SLC2A8: variants seen among roughly 807,000 people sequenced by gnomAD.
SLC2A8 encodes the protein solute carrier family 2 member 8, also known as solute carrier family 2, facilitated glucose transporter member 8.
Under a neutral mutation model 49.2 loss-of-function variants are expected in SLC2A8, and 53 were observed. The observed-to-expected ratio is 1.08, with a 90% CI of 0.86 to 1.35. The LOEUF (loss-of-function observed/expected upper bound fraction) is 1.35. Among genes scored for constraint, SLC2A8 ranks in the 40% most tolerant of loss-of-function variants. SLC2A8 has a pLI of 0.00. For synonymous variants in SLC2A8, 299 were observed against 297.0 expected (o/e 1.01, Z -0.07); for missense variants, 688 against 671.7 (o/e 1.02, Z -0.27).
At chr9:127,400,260 C>A (rs186040884) in intron 4 of SLC2A8, among the ~76,000 whole-genome samples, 1 of 150,794 alleles carries the variant, frequency 6.6e-6, no homozygotes, top group Non-Finnish European at 1.5e-5. Context: ...TGGGTTCAAG[C>A]GATTCTCCTG....
At chr9:127,400,835 C>T (rs1833258365) in intron 4 of SLC2A8, among the ~76,000 whole-genome samples, 1 of 152,204 alleles carries the variant, frequency 6.6e-6, no homozygotes, top group Non-Finnish European at 1.5e-5. Flanking sequence ...TGGCTCACAC[C>T]TGTAATCCCA....
At chr9:127,403,321 T>G (rs1156384941) in intron 5 of SLC2A8, 3 of 350,928 alleles carry the variant, frequency 8.5e-6, no homozygotes, top group South Asian at 3.5e-5. Context: ...GTCAGGGCTG[T>G]AGGAGGTGCT....
At position 127,407,595 on chromosome 9, in the gene SLC2A8, A is replaced by G. The variant is rs6635; in HGVS notation, c.*346A>G. The G allele has an allele frequency of 0.34, 134,679 of 397,976 alleles. 24,240 individuals carry two copies. The highest frequency in any genetic ancestry group is 0.48 in the Middle Eastern group (1,327 of 2,760). 24.7% of individuals were successfully genotyped at this position (397,976 alleles called of 1,614,324 possible). ...TTTGGAGGTTGGGTGCTGGGCATTCAGTCGCTCCTCTCACGCGGCTGCCTT... is the reference window on the plus strand; with the variant it reads ...TTTGGAGGTTGGGTGCTGGGCATTCGGTCGCTCCTCTCACGCGGCTGCCTT... On this transcript the variant is annotated 3_prime_UTR_variant, in exon 10 of 10. Coordinates refer to ENST00000373371, the MANE Select transcript of SLC2A8 (RefSeq NM_014580.5).
chr9:127,401,477 C>G (rs1833288559), intron 4 of SLC2A8, among the ~76,000 whole-genome samples: 1 of 152,228 alleles, frequency 6.6e-6, no homozygotes. Flanking sequence ...CTAACAAATT[C>G]AGAATCCTGC....
rs1564220109 is a variant in SLC2A8, at chr9:127,405,455, C to T, written c.1186C>T (p.Leu396Phe). The T allele has an allele frequency of 1.5e-5, 24 of 1,612,902 alleles. No individual in the cohort carries two copies. Among genetic ancestry groups the T allele is most frequent in the Non-Finnish European group, 1.9e-5 (23 of 1,180,012 alleles). The change falls in exon 9 of 10, where the codon CTC becomes TTC. Residue 396 changes from leucine (L) to phenylalanine (F), a missense_variant. Coordinates refer to ENST00000373371, the MANE Select transcript of SLC2A8 (RefSeq NM_014580.5). ...AVGWGPIPWL[L>F]MSEIFPLHVK... ...GGGCTGGGGGCCCATCCCCTGGCTCCTCATGTCAGAGATCTTCCCTCTGCA... is the reference window on the plus strand; with the variant it reads ...GGGCTGGGGGCCCATCCCCTGGCTCTTCATGTCAGAGATCTTCCCTCTGCA...
Position 127,407,233 on chromosome 9 carries a change from A to G in SLC2A8, c.1418A>G (p.His473Arg). The change falls in exon 10 of 10, where the codon CAT becomes CGT. Residue 473 changes from histidine (H) to arginine (R), a missense_variant. His to Arg is a conservative substitution (Grantham distance 29). Coordinates refer to ENST00000373371, the MANE Select transcript of SLC2A8 (RefSeq NM_014580.5). ...KGKTLEQITA[H>R]FEGR ...AAGACTCTGGAACAAATCACAGCCC[A>G]TTTTGAGGGGCGATGACAGCCACTC... 6.2e-7 allele frequency: 1 copy of G among 1,613,102 alleles called. No homozygotes were observed.
chr9:127,403,619 G>C (rs754605448), intron 5 of SLC2A8, 41 bp from the exon 6 acceptor site: 1 of 1,610,888 alleles, frequency 6.2e-7, no homozygotes, highest in African/African-American at 1.3e-5. Flanking sequence ...GCTTGCGGGA[G>C]GGGAGAGAGA....
chr9:127,399,994 G>A lies in SLC2A8; in HGVS notation c.514G>A (p.Ala172Thr). 6.2e-7 allele frequency: 1 copy of A among 1,613,426 alleles called. No homozygotes were observed. The highest frequency in any genetic ancestry group is 8.5e-7 in the Non-Finnish European group (1 of 1,179,552). ...QLMVVVGILL[A>T]YLAGWVLEWR... ...AATGGTCGTCGTCGGCATCCTCCTG[G>A]CCTACCTGGCAGGTATAGTTGTCAT... is the stretch of plus-strand genomic sequence containing the variant. Residue 172 changes from alanine (A) to threonine (T), a missense_variant, in exon 4 of 10, where the codon GCC becomes ACC. Coordinates refer to ENST00000373371, the MANE Select transcript of SLC2A8 (RefSeq NM_014580.5). The surrounding 1 kb of genome is among the most constrained non-coding windows in gnomAD (Gnocchi z 4.2).
chr9:127,399,861 A>C lies in SLC2A8; in HGVS notation c.427-46A>C. 1 of 1,549,818 alleles carries C rather than the reference A, an allele frequency of 6.5e-7. No homozygotes were observed. The highest frequency in any genetic ancestry group is 8.9e-7 in the Non-Finnish European group (1 of 1,124,400). The stretch of plus-strand genomic sequence containing the variant: ...CTCCCAGAGTGCTGGGATTGCAGGC[A>C]TGAGCCACTGCGCCCAGCCATAAAT... On this transcript the variant is annotated intron_variant, in intron 3 of 9. Transcript: ENST00000373371. This position sits in a 1 kb window ranked among gnomAD's most constrained non-coding sequence, Gnocchi z 4.2.
rs922797220 is a variant in SLC2A8 at position 127,399,223 on chromosome 9, G to A, written c.427-684G>A. ...GGCTAGGATCCTGGGTGGGCGTCAC[G>A]TGGAGCTGGTTAACAAGGTGGAATC... is the stretch of plus-strand genomic sequence containing the variant. On this transcript the variant is annotated intron_variant, in intron 3 of 9. Coordinates refer to ENST00000373371, the MANE Select transcript of SLC2A8 (RefSeq NM_014580.5). This position sits in a 1 kb window ranked among gnomAD's most constrained non-coding sequence, Gnocchi z 4.2. 5.9e-5 allele frequency among the ~76,000 whole-genome samples: 9 copies of A among 152,246 alleles called. No individual in the cohort carries two copies. The highest frequency in any genetic ancestry group is 1.9e-4 in the East Asian group (1 of 5,190).
At position 127,398,058 on chromosome 9, in the gene SLC2A8, G is replaced by C; in HGVS notation, c.373G>C (p.Gly125Arg). The change falls in exon 3 of 10, where the codon GGG (glycine) becomes CGG (arginine). Residue 125 changes from glycine (G) to arginine (R), a missense_variant. Physicochemically the swap from Gly to Arg is moderately radical, Grantham distance 125 (BLOSUM62 -2). Coordinates refer to ENST00000373371, the MANE Select transcript of SLC2A8 (RefSeq NM_014580.5). ...TAAQDVWMLL[G>R]GRLLTGLACG... ...GGCCCAGGACGTGTGGATGCTGCTG[G>C]GGGGCCGCCTCCTCACCGGCCTGGC... The C allele has an allele frequency of 2.5e-6, 4 of 1,589,538 alleles. No homozygotes were observed. Among genetic ancestry groups the C allele is most frequent in the Non-Finnish European group, 3.4e-6 (4 of 1,174,144 alleles).
chr9:127,399,522 A>G lies in SLC2A8; in HGVS notation c.427-385A>G. Among the ~76,000 whole-genome samples, 1 of 149,982 alleles carries G rather than the reference A, an allele frequency of 6.7e-6. No homozygotes were observed. ...CTTTCCTCAGCTCTGAATGGCTGAG[A>G]CCTTTCCATTTTAAGAACTCTTGGA... On this transcript the variant is annotated intron_variant, in intron 3 of 9. Transcript: ENST00000373371. This position sits in a 1 kb window ranked among gnomAD's most constrained non-coding sequence, Gnocchi z 4.2.
At chr9:127,398,529 T>C (rs1833139445) in intron 3 of SLC2A8, among the ~76,000 whole-genome samples, 1 of 152,222 alleles carries the variant, frequency 6.6e-6, no homozygotes, top group Admixed American at 6.5e-5. Flanking sequence ...GAAGTTCCTG[T>C]CCTGATTTCT....
intron 2 of SLC2A8, 61 bp from the exon 3 acceptor site, chr9:127,397,844 G>T: frequency 7.1e-7 from 1 of 1,407,314 alleles, no homozygotes; most frequent in South Asian, 1.5e-5. Flanking sequence ...CGGGGAGTGG[G>T]TGGAGGGGGA....
chr9:127,398,950 C>G (rs913507153), intron 3 of SLC2A8, among the ~76,000 whole-genome samples: 1 of 152,228 alleles, frequency 6.6e-6, no homozygotes, highest in Non-Finnish European at 1.5e-5. Flanking sequence ...CCAACGTTTG[C>G]TAACCGGCAG....
At position 127,399,788 on chromosome 9, in the gene SLC2A8, T is replaced by C; in HGVS notation, c.427-119T>C. 1 of 723,168 alleles carries C rather than the reference T, an allele frequency of 1.4e-6. No individual in the cohort carries two copies. The highest frequency in any genetic ancestry group is 2.4e-6 in the Non-Finnish European group (1 of 422,968). The allele number at this position is 723,168 out of a possible 1,614,324, so 44.8% of individuals were successfully genotyped here. A position where few individuals can be genotyped will look rare whatever the true frequency, so the allele number is the denominator to read the frequency against. ...TAGAGATGGGGTTTCTCCCTGTTGG[T>C]CAGGCCAGTCTCAAACTCCCAACCT... On this transcript the variant is annotated intron_variant, in intron 3 of 9. Transcript: ENST00000373371. The surrounding 1 kb of genome is among the most constrained non-coding windows in gnomAD (Gnocchi z 4.2).
intron 3 of SLC2A8, chr9:127,398,467 C>A: frequency 1.9e-6 from 1 of 540,138 alleles, no homozygotes. Context: ...GAGCCCACTC[C>A]CTACATTTTG....
rs762121322 is a variant in SLC2A8, at chr9:127,397,969, G to A, written c.284G>A (p.Gly95Glu). ...VLGGWLVDRAGRKLSLLLCSV... is the reference protein window; with the variant it reads ...VLGGWLVDRAERKLSLLLCSV... ...GGCGGCTGGCTGGTGGACCGCGCCG[G>A]GCGCAAGCTGAGCCTCTTGCTGTGC... The change falls in exon 3 of 10, where the codon GGG becomes GAG. Residue 95 changes from glycine (G) to glutamate (E), a missense_variant. Transcript: ENST00000373371. The A allele has an allele frequency of 5.2e-6, 8 of 1,537,426 alleles. No homozygotes were observed. Among genetic ancestry groups the A allele is most frequent in the Non-Finnish European group, 7.0e-6 (8 of 1,147,960 alleles).
intron 5 of SLC2A8, among the ~76,000 whole-genome samples, 159 bp downstream of exon 5, chr9:127,402,912 G>A (rs778135268): frequency 1.3e-5 from 2 of 152,334 alleles, no homozygotes; most frequent in South Asian, 2.1e-4. Flanking sequence ...TCCTGTCTTT[G>A]AGCAGGCCAA....
Sources: allele counts gnomAD v4.1 joint callset (sites outside exome capture counted in the v4.1 genomes callset), GRCh38; gene constraint gnomAD v4.1.1; non-coding constraint Gnocchi (gnomAD v3.1); transcripts MANE v1.5; gene names NCBI Gene and HGNC (gene_info 2026-07-23, HGNC 2026-07-21).